The following CDH3 variants were observed in gnomAD, a reference collection of about 807,000 sequenced individuals.
CDH3 encodes the protein cadherin-3.
Under a neutral mutation model 82.0 loss-of-function variants are expected in CDH3, and 54 were observed. The observed-to-expected ratio is 0.66, with a 90% CI of 0.53 to 0.83. The LOEUF is 0.83. Ranked by LOEUF, CDH3 falls within the 40% of genes least tolerant of loss-of-function variation. The probability of loss-of-function intolerance (pLI) is 0.00; values close to 1 mark genes in which losing one functional copy is unlikely to be tolerated. For missense variants in CDH3, 1,054 were observed against 1,084.6 expected (o/e 0.97, Z 0.40); for synonymous variants, 446 against 437.9 (o/e 1.02, Z -0.23).
intron 2 of CDH3, among the ~76,000 whole-genome samples, chr16:68,650,788 A>G (rs148913024): frequency 7.2e-5 from 11 of 152,244 alleles, no homozygotes; most frequent in South Asian, 4.1e-4. Context: ...CCCTCACCCT[A>G]CATGCTTCGG....
In CDH3 at chr16:68,660,860, G is replaced by C. The variant is rs200941896; in HGVS notation, c.160+15110G>C. Among the ~76,000 whole-genome samples the C allele has an allele frequency of 3.9e-5, 6 of 152,112 alleles. No individual in the cohort carries two copies. The East Asian group carries it at 1.2e-3, about 29-fold the overall frequency. ...TGTAGTCCCAGCTATTTGGGAGGCT[G>C]AGGCAGGAGAATGGCGTGAACCCGG... is the stretch of plus-strand genomic sequence containing the variant. On this transcript the variant is annotated intron_variant, in intron 2 of 15. Transcript: ENST00000264012.
chr16:68,704,955 C>T (rs971059733), downstream of CDH3, among the ~76,000 whole-genome samples: 10 of 152,128 alleles, frequency 6.6e-5, no homozygotes, highest in East Asian at 9.6e-4. Flanking sequence ...CCCAGCTACT[C>T]GGGAGGCTGA....
At chr16:68,681,555 G>A (rs1179149942) in intron 8 of CDH3, among the ~76,000 whole-genome samples, 7 of 152,184 alleles carry the variant, frequency 4.6e-5, no homozygotes, top group Non-Finnish European at 1.0e-4. Context: ...TTGTAATGAC[G>A]CCAGGGGCGG....
intron 1 of CDH3, among the ~76,000 whole-genome samples, chr16:68,715,872 C>A (rs1442130464): frequency 1.3e-5 from 2 of 152,240 alleles, no homozygotes; most frequent in Non-Finnish European, 2.9e-5. Flanking sequence ...AGCACATGAC[C>A]TTTGACCCAG....
At chr16:68,677,730 T>C (rs1220835525) in intron 3 of CDH3, among the ~76,000 whole-genome samples, 1 of 152,156 alleles carries the variant, frequency 6.6e-6, no homozygotes, top group Non-Finnish European at 1.5e-5. Flanking sequence ...AGAGCGAGAC[T>C]CCGTCTCAAA....
chr16:68,727,441 T>A (rs1962230868), exon 3 of CDH3, among the ~76,000 whole-genome samples: 3 of 152,172 alleles, frequency 2.0e-5, no homozygotes, highest in African/African-American at 7.2e-5. Context: ...CCCTGACTAA[T>A]ACACTGTGTA....
At chr16:68,658,913 A>G (rs1012376256) in intron 2 of CDH3, among the ~76,000 whole-genome samples, 8 of 152,140 alleles carry the variant, frequency 5.3e-5, no homozygotes, top group African/African-American at 1.4e-4. Flanking sequence ...CTCCTCCCCA[A>G]TGTATACCAT....
intron 1 of CDH3, among the ~76,000 whole-genome samples, chr16:68,706,713 C>T (rs1285435221): frequency 6.6e-6 from 1 of 151,948 alleles, no homozygotes; most frequent in Non-Finnish European, 1.5e-5. Flanking sequence ...ACACCACACC[C>T]AGCTAATCTT....
At chr16:68,673,030 A>G (rs3114398) in intron 2 of CDH3, among the ~76,000 whole-genome samples, 33,395 of 152,166 alleles carry the variant, frequency 0.22, 3,890 homozygotes, top group Admixed American at 0.28. Context: ...TCATTATGTG[A>G]ATATACCCAG....
intron 2 of CDH3, among the ~76,000 whole-genome samples, chr16:68,647,344 A>G (rs184303335): frequency 7.0e-6 from 1 of 143,178 alleles, no homozygotes. Context: ...TATCTTTCCT[A>G]CTGAAGCAAG....
intron 13 of CDH3, among the ~76,000 whole-genome samples, chr16:68,694,578 C>T (rs140814759): frequency 6.7e-6 from 1 of 149,516 alleles, no homozygotes; most frequent in African/African-American, 2.5e-5. Context: ...GCCGAGATTG[C>T]ACCAGTGCAC....
chr16:68,659,995 A>G (rs1396122015), intron 2 of CDH3, among the ~76,000 whole-genome samples: 3 of 152,198 alleles, frequency 2.0e-5, no homozygotes, highest in Non-Finnish European at 2.9e-5. Flanking sequence ...TACATGGTGA[A>G]TGTACCATGA....
At chr16:68,724,192 G>A (rs975226241) in intron 2 of CDH3, among the ~76,000 whole-genome samples, 1 of 152,018 alleles carries the variant, frequency 6.6e-6, no homozygotes, top group African/African-American at 2.4e-5. Context: ...CCAAGACTGC[G>A]CCACTGCACT....
chr16:68,689,856 C>T (rs1036154336), intron 12 of CDH3, among the ~76,000 whole-genome samples: 1 of 151,834 alleles, frequency 6.6e-6, no homozygotes, highest in Non-Finnish European at 1.5e-5. Flanking sequence ...GGGGTAGAAA[C>T]GTGGGGGTTG....
Position 68,691,765 on chromosome 16 carries a change from CAT to C in CDH3, c.1844_1845del (p.Tyr615Ter). The C allele has an allele frequency of 6.2e-7, 1 of 1,614,184 alleles. No individual in the cohort carries two copies. The highest frequency in any genetic ancestry group is 8.5e-7 in the Non-Finnish European group (1 of 1,180,034). On this transcript the variant is annotated frameshift_variant, in exon 13 of 16. Transcript: ENST00000264012. LOFTEE classifies it high-confidence loss of function. ...CTGAAGAAGTTCCTGAAGCAGGATA[CAT>C]ATGACGTGCACCTTTCTCTGTCTGA...
chr16:68,654,380 A>ATTTTTTT (rs1176713669), intron 2 of CDH3, among the ~76,000 whole-genome samples: 27 of 48,530 alleles, frequency 5.6e-4, no homozygotes, highest in Non-Finnish European at 7.5e-4. Context: ...TTTTAAATTA[A>ATTTTTTT]TTTTTTTTTT....
intron 2 of CDH3, among the ~76,000 whole-genome samples, chr16:68,674,825 C>T (rs779333573): frequency 6.6e-6 from 1 of 152,082 alleles, no homozygotes; most frequent in Admixed American, 6.6e-5. Context: ...TTTTAAAAAC[C>T]TCATCTGGGC....
chr16:68,689,838 AG>A (rs552574866), intron 12 of CDH3, among the ~76,000 whole-genome samples: 2 of 117,684 alleles, frequency 1.7e-5, no homozygotes, highest in East Asian at 2.4e-4. Flanking sequence ...CAACCCGGGG[AG>A]GGGGTGGGGG....
At position 68,699,298 on chromosome 16, in the gene CDH3, C is replaced by G. The variant is rs1382778702; in HGVS notation, c.*898C>G. The G allele has an allele frequency of 6.6e-6, 1 of 152,138 alleles. No individual in the cohort carries two copies. The highest frequency in any genetic ancestry group is 2.4e-5 in the African/African-American group (1 of 41,426). 9.4% of individuals were successfully genotyped at this position (152,138 alleles called of 1,614,324 possible). A position where few individuals can be genotyped will look rare whatever the true frequency, so the allele number is the denominator to read the frequency against. ...CCCTCCTTTGCAAAGTCAGTTGCTC[C>G]ATGAGAGAGAACCATTAACCTCTTA... On this transcript the variant is annotated 3_prime_UTR_variant, in exon 16 of 16. Transcript: ENST00000264012.
Sources: allele counts gnomAD v4.1 joint callset (sites outside exome capture counted in the v4.1 genomes callset), GRCh38; gene constraint gnomAD v4.1.1; transcripts MANE v1.5; gene names NCBI Gene and HGNC (gene_info 2026-07-23, HGNC 2026-07-21).